EYA1: variants seen among roughly 807,000 people sequenced by gnomAD.
EYA1 encodes EYA transcriptional coactivator and phosphatase 1.
Under a neutral mutation model 82.0 loss-of-function variants are expected in EYA1, and 16 were observed. That is an observed-to-expected ratio of 0.20 (90% CI 0.13 to 0.30). EYA1 has a LOEUF of 0.30. Ranked by LOEUF, EYA1 falls within the 10% of genes least tolerant of loss-of-function variation. The probability of loss-of-function intolerance (pLI) is 1.00; values close to 1 mark genes in which losing one functional copy is unlikely to be tolerated. For missense variants in EYA1, 633 were observed against 730.7 expected (o/e 0.87, Z 1.54); for synonymous variants, 261 against 264.4 (o/e 0.99, Z 0.12).
intron 2 of EYA1, among the ~76,000 whole-genome samples, chr8:71,465,009 T>C (rs1334707919): frequency 6.6e-6 from 1 of 152,226 alleles, no homozygotes; most frequent in Non-Finnish European, 1.5e-5. Flanking sequence ...AAAATGTATA[T>C]GTGGAACTCA....
chr8:71,387,457 T>C (rs1257773900), intron 2 of EYA1, among the ~76,000 whole-genome samples: 1 of 151,854 alleles, frequency 6.6e-6, no homozygotes, highest in Non-Finnish European at 1.5e-5. Context: ...CACTTAAGAG[T>C]GTAGCAGTGG....
chr8:71,277,125 T>TGC lies in EYA1; in HGVS notation c.827-5229_827-5228insGC, dbSNP rs1457118723. ...TTCATGGCTTCACACATTTTTTTTT[T>TGC]TTTTTTTTTTTTTTTTTTTTTTTAG... On this transcript the variant is annotated intron_variant, in intron 9 of 17. Coordinates refer to ENST00000340726, the MANE Select transcript of EYA1 (RefSeq NM_000503.6). Among the ~76,000 whole-genome samples the TGC allele has an allele frequency of 1.6e-4, 21 of 134,310 alleles. 1 individual carries two copies. The East Asian group carries it at 2.4e-3, about 15-fold the overall frequency. 88.1% of individuals were successfully genotyped at this position (134,310 alleles called of 152,430 possible).
chr8:71,257,959 G>T (rs1434751067), intron 11 of EYA1, among the ~76,000 whole-genome samples: 2 of 151,684 alleles, frequency 1.3e-5, no homozygotes, highest in African/African-American at 2.4e-5. Context: ...GCTATTTCTT[G>T]CTAGTTAAAT....
At chr8:71,490,869 A>C (rs1810940423) in intron 2 of EYA1, among the ~76,000 whole-genome samples, 1 of 152,236 alleles carries the variant, frequency 6.6e-6, no homozygotes, top group African/African-American at 2.4e-5. Context: ...GCTATAAAGC[A>C]GCACTGACCA....
chr8:71,388,412 C>G (rs1217541152), intron 2 of EYA1, among the ~76,000 whole-genome samples: 4 of 152,144 alleles, frequency 2.6e-5, no homozygotes, highest in Non-Finnish European at 5.9e-5. Context: ...AGCCAAGGAG[C>G]ACACAGTGCT....
At chr8:71,535,945 T>C (rs973010137) in intron 1 of EYA1, 1 of 428,494 alleles carries the variant, frequency 2.3e-6, no homozygotes, top group Non-Finnish European at 4.1e-6. Context: ...CCAGCATGTA[T>C]ACACAAGTCA....
intron 11 of EYA1, among the ~76,000 whole-genome samples, chr8:71,260,444 A>G (rs1249524886): frequency 6.6e-6 from 1 of 152,192 alleles, no homozygotes; most frequent in African/African-American, 2.4e-5. Context: ...TGTCTTTTGT[A>G]TCTCTCCTCT....
At chr8:71,365,146 A>G (rs942675457), upstream of EYA1, among the ~76,000 whole-genome samples, 4 of 151,624 alleles carry the variant, frequency 2.6e-5, no homozygotes, top group Non-Finnish European at 4.4e-5. Context: ...AAACTTCATG[A>G]GTTAACAGTT....
intron 7 of EYA1, among the ~76,000 whole-genome samples, chr8:71,300,541 A>G (rs138221539): frequency 6.6e-6 from 1 of 152,302 alleles, no homozygotes; most frequent in Non-Finnish European, 1.5e-5. Flanking sequence ...GAATTTACAT[A>G]GGCACAATCT....
At chr8:71,252,087 G>T (rs60704568) in intron 11 of EYA1, among the ~76,000 whole-genome samples, 2 of 151,586 alleles carry the variant, frequency 1.3e-5, no homozygotes, top group Non-Finnish European at 2.9e-5. Context: ...TTCCTCTTGG[G>T]GCCCTGCTTT....
chr8:71,501,349 T>C (rs929747568), intron 2 of EYA1, among the ~76,000 whole-genome samples: 2 of 152,214 alleles, frequency 1.3e-5, no homozygotes, highest in Admixed American at 6.5e-5. Flanking sequence ...CTTCTGAGTG[T>C]CTGGTTTTGA....
intron 12 of EYA1, among the ~76,000 whole-genome samples, chr8:71,229,503 C>T (rs1023061212): frequency 7.9e-5 from 12 of 152,096 alleles, no homozygotes; most frequent in African/African-American, 1.9e-4. Flanking sequence ...TATTTTCTAA[C>T]GCTGGACCAA....
At chr8:71,478,188 A>G (rs1809817950) in intron 2 of EYA1, among the ~76,000 whole-genome samples, 2 of 152,206 alleles carry the variant, frequency 1.3e-5, no homozygotes, top group South Asian at 4.1e-4. Context: ...TCTGTAAAAT[A>G]TACCTCAGTA....
intron 2 of EYA1, among the ~76,000 whole-genome samples, chr8:71,471,288 TA>T (rs749558383): frequency 6.6e-6 from 1 of 152,042 alleles, no homozygotes; most frequent in Non-Finnish European, 1.5e-5. Context: ...GCAGGAATGA[TA>T]GATGTCTGTA....
In EYA1 at chr8:71,361,844, C is replaced by T; in HGVS notation, c.-252G>A. ...CTCGGCGCAGGGGGCAGGCGCCTGG[C>T]CGCTGCCGCAGGCTCGGGCTGCCGA... On this transcript the variant is annotated 5_prime_UTR_variant, in exon 1 of 18. Transcript: ENST00000340726. 1 of 985,458 alleles carries T rather than the reference C, an allele frequency of 1.0e-6. No individual in the cohort carries two copies. Among genetic ancestry groups the T allele is most frequent in the African/African-American group, 1.7e-5 (1 of 57,360 alleles). The allele number at this position is 985,458 out of a possible 1,614,324, so 61.0% of individuals were successfully genotyped here. A position where few individuals can be genotyped will look rare whatever the true frequency, so the allele number is the denominator to read the frequency against.
chr8:71,382,516 T>C (rs962503847), intron 2 of EYA1, among the ~76,000 whole-genome samples: 3 of 151,982 alleles, frequency 2.0e-5, no homozygotes, highest in Admixed American at 1.3e-4. Context: ...CAGCACACAG[T>C]ATTAGTTCAT....
intron 2 of EYA1, among the ~76,000 whole-genome samples, chr8:71,446,836 CT>C (rs1217976419): frequency 1.3e-5 from 2 of 152,120 alleles, no homozygotes; most frequent in African/African-American, 4.8e-5. Flanking sequence ...TTGTCTGAGA[CT>C]TTCAGAAGTT....
intron 2 of EYA1, among the ~76,000 whole-genome samples, chr8:71,444,800 A>G (rs2129173626): frequency 6.6e-6 from 1 of 152,340 alleles, no homozygotes; most frequent in Non-Finnish European, 1.5e-5. Context: ...TGTCTACACC[A>G]TCGACCAGAT....
intron 2 of EYA1, among the ~76,000 whole-genome samples, chr8:71,500,964 T>C (rs1420440808): frequency 6.6e-6 from 1 of 152,202 alleles, no homozygotes; most frequent in Non-Finnish European, 1.5e-5. Flanking sequence ...GTTGAGAGGC[T>C]GTGCAAAAAA....
Sources: gnomAD v4.1 joint callset for allele counts (sites outside exome capture counted in the v4.1 genomes callset) on GRCh38, gnomAD v4.1.1 for gene constraint, MANE v1.5 for transcripts, NCBI Gene and HGNC (gene_info 2026-07-23, HGNC 2026-07-21) for gene names.